NWD2: variants seen among roughly 807,000 people sequenced by gnomAD.
The protein encoded by NWD2 is NACHT and WD repeat domain containing 2.
NWD2 carries 37 observed loss-of-function variants against 132.7 expected under a neutral mutation model. That is an observed-to-expected ratio of 0.28 (90% CI 0.21 to 0.37). NWD2 has a LOEUF of 0.37. NWD2 is among the 10% of genes least tolerant of loss of function. The probability of loss-of-function intolerance (pLI) is 1.00; values close to 1 mark genes in which losing one functional copy is unlikely to be tolerated. For synonymous variants in NWD2, 705 were observed against 803.0 expected (o/e 0.88, Z 2.06); for missense variants, 1,592 against 2,122.4 (o/e 0.75, Z 4.91).
At chr4:37,308,320 G>C (rs1401738540) in intron 1 of NWD2, among the ~76,000 whole-genome samples, 1 of 152,246 alleles carries the variant, frequency 6.6e-6, no homozygotes, top group South Asian at 2.1e-4. Context: ...TTCTGGGTGG[G>C]CACAGTAGTG....
chr4:37,430,628 A>C lies in NWD2; in HGVS notation c.414A>C (p.Ser138=). 1 of 1,551,630 alleles carries C rather than the reference A, an allele frequency of 6.4e-7. No individual in the cohort carries two copies. The highest frequency in any genetic ancestry group is 8.7e-7 in the Non-Finnish European group (1 of 1,146,924). ...NIRIPGEVEA[S]EFEMILDAAI... ...GAATCCCTGGAGAAGTTGAAGCCTCAGAGTTTGAAATGATTTTGGATGCCG... is the reference window on the plus strand; with the variant it reads ...GAATCCCTGGAGAAGTTGAAGCCTCCGAGTTTGAAATGATTTTGGATGCCG... Residue 138 remains serine, a synonymous_variant, in exon 4 of 7, where the codon TCA becomes TCC. Transcript: ENST00000309447.
intron 1 of NWD2, among the ~76,000 whole-genome samples, chr4:37,320,417 T>C (rs1044196930): frequency 6.6e-6 from 1 of 152,252 alleles, no homozygotes; most frequent in Admixed American, 6.5e-5. Context: ...GTTTTCATTT[T>C]GTCTTGGCAT....
In NWD2 at chr4:37,269,615, G is replaced by C. The variant is rs1034991360; in HGVS notation, c.151+24397G>C. On this transcript the variant is annotated intron_variant, in intron 1 of 6. Transcript: ENST00000309447. ...GGAATCATAGGTACCTTTTACATTG[G>C]GTCCTGCCACTCAGCATAAGGTTTT... is the stretch of plus-strand genomic sequence containing the variant. Among the ~76,000 whole-genome samples, 3 of 151,752 alleles carry C rather than the reference G, an allele frequency of 2.0e-5. No individual in the cohort carries two copies. In the East Asian group the frequency reaches 5.8e-4, roughly 29 times the overall value.
chr4:37,364,504 A>G (rs1271327063), intron 3 of NWD2, among the ~76,000 whole-genome samples: 1 of 151,628 alleles, frequency 6.6e-6, no homozygotes. Flanking sequence ...TGCCTTGTCA[A>G]CTCCCTGAGC....
intron 3 of NWD2, among the ~76,000 whole-genome samples, chr4:37,421,818 A>G (rs113625729): frequency 5.3e-5 from 8 of 152,212 alleles, no homozygotes; most frequent in Non-Finnish European, 7.3e-5. Flanking sequence ...AAGGACAAAT[A>G]CTGTAGAGGT....
chr4:37,433,849 T>C, intron 4 of NWD2, 27 bp from the exon 5 acceptor site: 4 of 1,493,506 alleles, frequency 2.7e-6, no homozygotes, highest in Non-Finnish European at 3.6e-6. Flanking sequence ...ATTGTAAGAC[T>C]AATTTCTCCC....
chr4:37,360,900 G>A (rs1038255157), intron 3 of NWD2, among the ~76,000 whole-genome samples: 10 of 152,270 alleles, frequency 6.6e-5, no homozygotes, highest in Middle Eastern at 3.4e-3. Flanking sequence ...CATTGATCCT[G>A]GACCCTGAAT....
intron 3 of NWD2, among the ~76,000 whole-genome samples, chr4:37,369,648 CCTT>C (rs1271359833): frequency 1.3e-5 from 2 of 152,052 alleles, no homozygotes; most frequent in South Asian, 2.1e-4. Context: ...TCACTCTCCT[CCTT>C]TAAACAATCA....
intron 1 of NWD2, among the ~76,000 whole-genome samples, chr4:37,301,754 AAGATAATTTTGTATTTC>A (rs1463318342): frequency 6.6e-6 from 1 of 151,908 alleles, no homozygotes; most frequent in Non-Finnish European, 1.5e-5. Context: ...TTTTATATTT[AAGATAATTTTGTATTTC>A]AGATAATTTT....
At chr4:37,414,897 G>A (rs958125717) in intron 3 of NWD2, among the ~76,000 whole-genome samples, 1 of 152,212 alleles carries the variant, frequency 6.6e-6, no homozygotes, top group South Asian at 2.1e-4. Flanking sequence ...GACATTGTTG[G>A]ATTCTATATT....
At chr4:37,440,102 C>T (rs1016842788) in intron 6 of NWD2, among the ~76,000 whole-genome samples, 3 of 152,164 alleles carry the variant, frequency 2.0e-5, no homozygotes, top group Admixed American at 6.5e-5. Flanking sequence ...CTTCCCCTCC[C>T]GTACCTCTGC....
Position 37,443,680 on chromosome 4 carries a change from C to A in NWD2, c.1692C>A (p.Asp564Glu), listed in dbSNP as rs1350673775. The change falls in exon 7 of 7, where the codon GAC becomes GAA. Residue 564 changes from aspartate (D) to glutamate (E), a missense_variant. Asp to Glu is a conservative substitution (Grantham distance 45, BLOSUM62 2). Transcript: ENST00000309447. The surrounding 1 kb of genome is among the most constrained non-coding windows in gnomAD (Gnocchi z 4.1). The part of the protein sequence containing the change: ...QKLRCLIHEE[D>E]NYIELIPRDR... Reference sequence around the variant, plus strand: ...TAAGGTGCCTTATCCATGAAGAAGACAACTACATCGAGCTGATTCCCCGAG... The same window carrying A: ...TAAGGTGCCTTATCCATGAAGAAGAAAACTACATCGAGCTGATTCCCCGAG... 8 of 1,552,004 alleles carry A rather than the reference C, an allele frequency of 5.2e-6. No homozygotes were observed. Among genetic ancestry groups the A allele is most frequent in the African/African-American group, 2.7e-5 (2 of 73,014 alleles).
chr4:37,418,252 T>G (rs1711684855), intron 3 of NWD2, among the ~76,000 whole-genome samples: 1 of 151,958 alleles, frequency 6.6e-6, no homozygotes, highest in African/African-American at 2.4e-5. Context: ...TAAAGTAGTA[T>G]TGGATTATAA....
intron 3 of NWD2, among the ~76,000 whole-genome samples, chr4:37,371,623 T>C (rs1184654136): frequency 6.6e-6 from 1 of 152,256 alleles, no homozygotes; most frequent in African/African-American, 2.4e-5. Flanking sequence ...TCATGTGTAA[T>C]CAATAATTAT....
At chr4:37,415,660 C>G (rs192979487) in intron 3 of NWD2, among the ~76,000 whole-genome samples, 1 of 147,146 alleles carries the variant, frequency 6.8e-6, no homozygotes, top group Non-Finnish European at 1.5e-5. Context: ...GCCGAGATCG[C>G]GCCACTGCAC....
chr4:37,249,516 G>A (rs1717310677), intron 1 of NWD2, among the ~76,000 whole-genome samples: 1 of 152,136 alleles, frequency 6.6e-6, no homozygotes, highest in African/African-American at 2.4e-5. Context: ...ACACATGGAG[G>A]AGTGGAGGAG....
chr4:37,263,887 C>T (rs62301429), intron 1 of NWD2, among the ~76,000 whole-genome samples: 44,135 of 152,010 alleles, frequency 0.29, 7,255 homozygotes, highest in Non-Finnish European at 0.37. Flanking sequence ...TTGACTATTG[C>T]CTTTATTTCA....
intron 5 of NWD2, among the ~76,000 whole-genome samples, chr4:37,436,683 C>G (rs1712331821): frequency 6.6e-6 from 1 of 152,136 alleles, no homozygotes; most frequent in Non-Finnish European, 1.5e-5. Context: ...CTTCCTTTCT[C>G]TTCATGATGC....
chr4:37,336,370 C>G (rs57049287), intron 2 of NWD2, among the ~76,000 whole-genome samples: 1 of 152,096 alleles, frequency 6.6e-6, no homozygotes, highest in Non-Finnish European at 1.5e-5. Context: ...GTGTATTTTA[C>G]GCTCAGAGCA....
Sources: allele counts gnomAD v4.1 joint callset (sites outside exome capture counted in the v4.1 genomes callset), GRCh38; gene constraint gnomAD v4.1.1; non-coding constraint Gnocchi (gnomAD v3.1); transcripts MANE v1.5; gene names NCBI Gene and HGNC (gene_info 2026-07-23, HGNC 2026-07-21).